Variants in CDH18 observed in about 807,000 individuals in gnomAD.
CDH18 encodes the protein cadherin 18.
In CDH18, 31 loss-of-function variants were observed where a neutral mutation model predicts 67.9. That is an observed-to-expected ratio of 0.46 (90% CI 0.34 to 0.62). CDH18 has a LOEUF of 0.62. CDH18 is among the 20% of genes least tolerant of loss of function. CDH18 has a pLI of 0.01. For missense variants in CDH18, 890 were observed against 975.5 expected (o/e 0.91, Z 1.17); for synonymous variants, 362 against 347.2 (o/e 1.04, Z -0.48).
In CDH18 at chr5:20,117,150, T is replaced by A. The variant is rs1470495659; in HGVS notation, c.-517-125136A>T. On this transcript the variant is annotated intron_variant, in intron 2 of 14. Transcript: ENST00000507958. ...CAAACATGTTTTACATTTAAATTTA[T>A]ATTCGTAAAGTTTAAGCATAAATAT... 2.0e-5 allele frequency among the ~76,000 whole-genome samples: 3 copies of A among 152,166 alleles called. No individual in the cohort carries two copies. The South Asian group carries it at 6.2e-4, about 31-fold the overall frequency.
chr5:19,897,547 C>T (rs1187900921), intron 2 of CDH18, among the ~76,000 whole-genome samples: 1 of 152,050 alleles, frequency 6.6e-6, no homozygotes, highest in Non-Finnish European at 1.5e-5. Context: ...TACATATACA[C>T]TATGATTCAA....
In CDH18 at chr5:20,358,936, T is replaced by C. The variant is rs529216007; in HGVS notation, c.-579-103431A>G. On this transcript the variant is annotated intron_variant, in intron 1 of 14. Coordinates refer to the CDH18 transcript ENST00000507958. ...ATGCATTGGCCTTTTTTCTTTCTTTTTTTTTTTTTTTTTGAGACGGAGTTT... is the reference window on the plus strand; with the variant it reads ...ATGCATTGGCCTTTTTTCTTTCTTTCTTTTTTTTTTTTTGAGACGGAGTTT... Among the ~76,000 whole-genome samples the C allele has an allele frequency of 1.7e-3, 253 of 149,064 alleles. 4 individuals carry two copies. Among genetic ancestry groups the C allele is most frequent in the East Asian group, 0.015 (78 of 5,128 alleles).
At chr5:19,543,415 C>A (rs986419774) in intron 9 of CDH18, among the ~76,000 whole-genome samples, 1 of 152,206 alleles carries the variant, frequency 6.6e-6, no homozygotes, top group Non-Finnish European at 1.5e-5. Context: ...TATTCTTTTA[C>A]TGTAAGTTCT....
chr5:20,420,705 T>C (rs1271516311), intron 1 of CDH18, among the ~76,000 whole-genome samples: 1 of 151,306 alleles, frequency 6.6e-6, no homozygotes, highest in African/African-American at 2.5e-5. Flanking sequence ...TTTGTATATG[T>C]CATTTAAAGA....
rs574069892 is a variant in CDH18 at position 20,268,256 on chromosome 5, AT to A, written c.-579-12752del. ...TATTGTGAATAGTGCTGCAATGAAC[AT>A]ATGCGTGATTGTGTCTTTTTGGGTA... On this transcript the variant is annotated intron_variant, in intron 1 of 14. Transcript: ENST00000507958. Among the ~76,000 whole-genome samples, 39 of 152,330 alleles carry A rather than the reference AT, an allele frequency of 2.6e-4. No individual in the cohort carries two copies. In the East Asian group the frequency reaches 7.3e-3, roughly 29 times the overall value.
At chr5:19,720,485 C>G (rs896521670) in intron 5 of CDH18, among the ~76,000 whole-genome samples, 1 of 152,044 alleles carries the variant, frequency 6.6e-6, no homozygotes, top group South Asian at 2.1e-4. Flanking sequence ...GAACACTTGT[C>G]TAAATTAAAA....
At chr5:20,336,231 A>T (rs1233019528) in intron 1 of CDH18, among the ~76,000 whole-genome samples, 2 of 152,202 alleles carry the variant, frequency 1.3e-5, no homozygotes, top group Non-Finnish European at 2.9e-5. Context: ...TAGTGTGGTC[A>T]TCTCCCCTTT....
At chr5:19,554,384 T>G (rs888729905) in intron 8 of CDH18, among the ~76,000 whole-genome samples, 1 of 152,088 alleles carries the variant, frequency 6.6e-6, no homozygotes, top group African/African-American at 2.4e-5. Context: ...ACTCTGTCTC[T>G]ACTAAAAATC....
chr5:19,511,455 C>T (rs779408634), intron 10 of CDH18, among the ~76,000 whole-genome samples: 7 of 152,008 alleles, frequency 4.6e-5, no homozygotes, highest in East Asian at 1.9e-4. Context: ...GACAGGAAGA[C>T]GTGGGAAGGT....
intron 4 of CDH18, among the ~76,000 whole-genome samples, chr5:19,734,635 G>A (rs1290460091): frequency 6.6e-5 from 10 of 152,052 alleles, no homozygotes; most frequent in Admixed American, 6.5e-4. Context: ...TATTTACAAG[G>A]ACTTTCTTGG....
chr5:19,849,550 A>G (rs1783405635), intron 2 of CDH18, among the ~76,000 whole-genome samples: 2 of 151,114 alleles, frequency 1.3e-5, no homozygotes, highest in Admixed American at 1.3e-4. Flanking sequence ...GTTAATATTT[A>G]TGTACCAATG....
At chr5:19,504,334 T>C (rs1234818580) in intron 10 of CDH18, among the ~76,000 whole-genome samples, 1 of 152,068 alleles carries the variant, frequency 6.6e-6, no homozygotes, top group African/African-American at 2.4e-5. Flanking sequence ...AGATCCTATG[T>C]GCTCCTTACC....
chr5:20,411,817 A>G (rs1746805313), intron 1 of CDH18, among the ~76,000 whole-genome samples: 1 of 152,104 alleles, frequency 6.6e-6, no homozygotes, highest in African/African-American at 2.4e-5. Context: ...CTAGGAATAC[A>G]TCTAACCAAG....
rs551433013 is a variant in CDH18 at position 20,487,518 on chromosome 5, T to C, written c.-580+87944A>G. On this transcript the variant is annotated intron_variant, in intron 1 of 14. Coordinates refer to the CDH18 transcript ENST00000507958. ...AAAATAAATACAAAATATATGTATA[T>C]ACATATATCTATCTATTTCAGGTAC... Among the ~76,000 whole-genome samples, 3 of 150,956 alleles carry C rather than the reference T, an allele frequency of 2.0e-5. No individual in the cohort carries two copies. In the South Asian group the frequency reaches 6.2e-4, roughly 31 times the overall value.
At chr5:20,447,787 C>T (rs1750112447) in intron 1 of CDH18, among the ~76,000 whole-genome samples, 1 of 152,044 alleles carries the variant, frequency 6.6e-6, no homozygotes, top group Admixed American at 6.6e-5. Context: ...AAATGTTTTC[C>T]TTCCGTTTAC....
At chr5:20,545,101 A>G (rs1757268194) in intron 1 of CDH18, among the ~76,000 whole-genome samples, 1 of 152,146 alleles carries the variant, frequency 6.6e-6, no homozygotes, top group Non-Finnish European at 1.5e-5. Flanking sequence ...TCAAAATATT[A>G]CCCTTTGATT....
chr5:20,296,852 T>C (rs1747579749), intron 1 of CDH18, among the ~76,000 whole-genome samples: 2 of 152,058 alleles, frequency 1.3e-5, no homozygotes, highest in African/African-American at 2.4e-5. Context: ...TTCACTATTT[T>C]GCTTAAAGTG....
chr5:20,095,589 G>GAAGAAAGGAAGAAAGA (rs1554089716), intron 2 of CDH18, among the ~76,000 whole-genome samples: 7 of 141,744 alleles, frequency 4.9e-5, no homozygotes, highest in Admixed American at 7.4e-5. Flanking sequence ...AGGAAGAAAG[G>GAAGAAAGGAAGAAAGA]AAGAAAGAAG....
intron 2 of CDH18, among the ~76,000 whole-genome samples, chr5:20,141,013 G>A (rs905613161): frequency 7.9e-5 from 12 of 152,006 alleles, no homozygotes; most frequent in African/African-American, 2.7e-4. Context: ...TCTACTCCTT[G>A]GAATCTGCTT....
Sources: allele counts gnomAD v4.1 joint callset (sites outside exome capture counted in the v4.1 genomes callset), GRCh38; gene constraint gnomAD v4.1.1; transcripts MANE v1.5; gene names NCBI Gene and HGNC (gene_info 2026-07-23, HGNC 2026-07-21).